CXCL13: variants seen among roughly 807,000 people sequenced by gnomAD.
CXCL13 encodes the protein C-X-C motif chemokine 13.
In CXCL13, 7 loss-of-function variants were observed where a neutral mutation model predicts 12.2. The ratio of observed to expected loss-of-function variants is 0.57; its 90% CI spans 0.33 to 1.07. CXCL13 has a LOEUF of 1.07. CXCL13 is among the 50% of genes least tolerant of loss of function. The pLI, the probability that CXCL13 is intolerant of heterozygous loss-of-function variation, is 0.04. For missense variants in CXCL13, 113 were observed against 127.4 expected (o/e 0.89, Z 0.55); for synonymous variants, 47 against 42.4 (o/e 1.11, Z -0.42).
intron 1 of CXCL13, among the ~76,000 whole-genome samples, chr4:77,555,857 T>C (rs934487030): frequency 3.9e-5 from 6 of 152,170 alleles, no homozygotes; most frequent in African/African-American, 1.2e-4. Context: ...AATATATGCA[T>C]AGAAAGATGT....
intron 1 of CXCL13, among the ~76,000 whole-genome samples, chr4:77,515,917 A>T (rs1345272984): frequency 6.6e-6 from 1 of 152,100 alleles, no homozygotes; most frequent in Non-Finnish European, 1.5e-5. Context: ...CAGTTTTTGC[A>T]CATTCAGTAT....
At chr4:77,512,234 A>T (rs1724295555) in intron 1 of CXCL13, among the ~76,000 whole-genome samples, 1 of 152,216 alleles carries the variant, frequency 6.6e-6, no homozygotes, top group African/African-American at 2.4e-5. Context: ...ACCATCTCTC[A>T]GTTTAGTGTA....
chr4:77,525,750 C>A (rs1724746462), intron 1 of CXCL13, among the ~76,000 whole-genome samples: 1 of 151,946 alleles, frequency 6.6e-6, no homozygotes. Context: ...TATGCACTAC[C>A]AAAATAACAC....
chr4:77,609,674 C>T (rs963850278), intron 2 of CXCL13, among the ~76,000 whole-genome samples: 3 of 152,054 alleles, frequency 2.0e-5, no homozygotes, highest in African/African-American at 7.2e-5. Flanking sequence ...GAGTTCACAC[C>T]AATAGAGGGT....
At chr4:77,561,414 G>A (rs550394200) in intron 1 of CXCL13, among the ~76,000 whole-genome samples, 26 of 152,290 alleles carry the variant, frequency 1.7e-4, no homozygotes, top group Middle Eastern at 3.4e-3. Context: ...GCCTACCATG[G>A]GCCAGCCACA....
chr4:77,532,697 T>C, intron 1 of CXCL13, among the ~76,000 whole-genome samples: 1 of 152,208 alleles, frequency 6.6e-6, no homozygotes, highest in East Asian at 1.9e-4. Flanking sequence ...CAGACGTAGA[T>C]TTGATCTTTT....
intron 1 of CXCL13, among the ~76,000 whole-genome samples, chr4:77,585,902 A>G (rs1726445154): frequency 6.6e-6 from 1 of 152,222 alleles, no homozygotes. Flanking sequence ...GGAATTTACC[A>G]TCACAAAGAT....
intron 1 of CXCL13, among the ~76,000 whole-genome samples, chr4:77,539,854 G>C (rs1046357302): frequency 4.6e-5 from 7 of 152,100 alleles, no homozygotes; most frequent in African/African-American, 1.7e-4. Context: ...CCTGGTGTGT[G>C]TGGTGGGGGT....
intron 1 of CXCL13, among the ~76,000 whole-genome samples, chr4:77,591,851 A>G (rs1726620904): frequency 6.6e-6 from 1 of 152,236 alleles, no homozygotes; most frequent in Non-Finnish European, 1.5e-5. Context: ...ACTGAATGAC[A>G]GACTTTGGCA....
intron 1 of CXCL13, among the ~76,000 whole-genome samples, chr4:77,587,823 T>C (rs1472632216): frequency 6.6e-6 from 1 of 152,148 alleles, no homozygotes; most frequent in African/African-American, 2.4e-5. Flanking sequence ...TGAAACTGTC[T>C]GGTACGTTAC....
At chr4:77,544,502 G>T (rs925894292) in intron 1 of CXCL13, among the ~76,000 whole-genome samples, 3 of 152,204 alleles carry the variant, frequency 2.0e-5, no homozygotes, top group African/African-American at 7.2e-5. Flanking sequence ...GACCAGTGAT[G>T]ATGAGCATTT....
chr4:77,580,968 A>T (rs1224707345), intron 1 of CXCL13, among the ~76,000 whole-genome samples: 1 of 151,690 alleles, frequency 6.6e-6, no homozygotes, highest in Non-Finnish European at 1.5e-5. Flanking sequence ...AACAAAAAAA[A>T]ACCTATCCCC....
intron 1 of CXCL13, among the ~76,000 whole-genome samples, chr4:77,599,032 C>T (rs562396391): frequency 6.6e-6 from 1 of 152,258 alleles, no homozygotes; most frequent in South Asian, 2.1e-4. Context: ...TGGTCTTGAA[C>T]TCCTGACCTC....
chr4:77,594,836 G>A (rs182326659), intron 1 of CXCL13, among the ~76,000 whole-genome samples: 154 of 152,198 alleles, frequency 1.0e-3, no homozygotes, highest in African/African-American at 3.5e-3. Flanking sequence ...GGGTTGATAG[G>A]GGCAGCAAAC....
chr4:77,560,007 C>T (rs1725767662), intron 1 of CXCL13, among the ~76,000 whole-genome samples: 1 of 150,890 alleles, frequency 6.6e-6, no homozygotes. Flanking sequence ...CTAGAACTTC[C>T]TAGTCATAAA....
intron 1 of CXCL13, among the ~76,000 whole-genome samples, chr4:77,587,814 G>GAA (rs2109828837): frequency 6.6e-6 from 1 of 152,340 alleles, no homozygotes; most frequent in East Asian, 1.9e-4. Flanking sequence ...TAACGAGCGT[G>GAA]AAACTGTCTG....
chr4:77,582,557 G>A (rs779828789), intron 1 of CXCL13, among the ~76,000 whole-genome samples: 18 of 152,194 alleles, frequency 1.2e-4, no homozygotes, highest in Non-Finnish European at 2.5e-4. Context: ...CAGCGTGGGG[G>A]AAGCTTGACG....
At position 77,527,785 on chromosome 4, in the gene CXCL13, A is replaced by C. The variant is rs1002863533; in HGVS notation, c.-43+15997A>C. 3.3e-5 allele frequency among the ~76,000 whole-genome samples: 5 copies of C among 151,898 alleles called. No individual in the cohort carries two copies. In the South Asian group the frequency reaches 1.0e-3, roughly 32 times the overall value. On this transcript the variant is annotated intron_variant, in intron 1 of 4. Coordinates refer to the CXCL13 transcript ENST00000286758. ...GCAGTTTCTTTTTTTATTATTTTTT[A>C]TTTTATTTTTATACTTTAAGTTTTA... is the stretch of plus-strand genomic sequence containing the variant.
At chr4:77,532,295 T>G (rs574472445) in intron 1 of CXCL13, among the ~76,000 whole-genome samples, 5 of 152,332 alleles carry the variant, frequency 3.3e-5, no homozygotes, top group African/African-American at 1.2e-4. Flanking sequence ...TTATTTCTCC[T>G]TCACTTATGA....
Sources: gnomAD v4.1 joint callset for allele counts (sites outside exome capture counted in the v4.1 genomes callset) on GRCh38, gnomAD v4.1.1 for gene constraint, MANE v1.5 for transcripts, NCBI Gene and HGNC (gene_info 2026-07-23, HGNC 2026-07-21) for gene names.